The following DMD variants were observed in gnomAD, a reference collection of about 807,000 sequenced individuals.
DMD encodes dystrophin.
Under a neutral mutation model 330.1 loss-of-function variants are expected in DMD, and 63 were observed. The ratio of observed to expected loss-of-function variants is 0.19; its 90% CI spans 0.16 to 0.24. The LOEUF is 0.24. DMD is among the 10% of genes least tolerant of loss of function. The probability of loss-of-function intolerance (pLI) is 1.00; values close to 1 mark genes in which losing one functional copy is unlikely to be tolerated. For synonymous variants in DMD, 1,223 were observed against 959.8 expected (o/e 1.27, Z -5.07); for missense variants, 3,344 against 2,684.1 (o/e 1.25, Z -5.43).
intron 55 of DMD, among the ~76,000 whole-genome samples, chrX:31,522,325 TTCTCTCTCTCTCTC>T (rs1193302041): frequency 7.8e-5 from 4 of 51,335 alleles, no homozygotes; most frequent in Non-Finnish European, 1.2e-4. Flanking sequence ...AGATCAAAAT[TTCTCTCTCTCTCTC>T]TCTCTCTCTC....
intron 55 of DMD, among the ~76,000 whole-genome samples, chrX:31,616,561 C>T (rs112683302): frequency 0.011 from 1,273 of 111,960 alleles, 22 homozygotes; most frequent in African/African-American, 0.039. Context: ...ATATTATTTT[C>T]GTTCACTGAC....
intron 6 of DMD, among the ~76,000 whole-genome samples, chrX:32,810,047 A>G (rs1401771258): frequency 9.1e-6 from 1 of 109,399 alleles, no homozygotes; most frequent in Non-Finnish European, 1.9e-5. Context: ...ACCTGAGCCC[A>G]GGGAGGTTGA....
intron 62 of DMD, among the ~76,000 whole-genome samples, chrX:31,297,337 A>G (rs1489665295): frequency 9.0e-6 from 1 of 111,159 alleles, no homozygotes; most frequent in African/African-American, 3.3e-5. Flanking sequence ...CCAGAGTGAT[A>G]GAGCAAGTGA....
chrX:33,235,033 T>G (rs2052451759), intron 1 of DMD, among the ~76,000 whole-genome samples: 1 of 111,656 alleles, frequency 9.0e-6, no homozygotes, highest in Admixed American at 9.5e-5. Context: ...ACCCTTATAG[T>G]CCCCACAACT....
At chrX:32,912,507 A>T (rs1049643109) in intron 2 of DMD, among the ~76,000 whole-genome samples, 4 of 111,525 alleles carry the variant, frequency 3.6e-5, no homozygotes, top group Non-Finnish European at 5.7e-5. Flanking sequence ...AAAAGAATTA[A>T]AACTGGAAAC....
intron 43 of DMD, among the ~76,000 whole-genome samples, chrX:32,287,276 C>T (rs779569106): frequency 9.0e-6 from 1 of 111,633 alleles, no homozygotes; most frequent in Non-Finnish European, 1.9e-5. Flanking sequence ...ATCTGATTTA[C>T]GATTACCTGA....
chrX:31,901,043 A>G (rs147804658), intron 47 of DMD, among the ~76,000 whole-genome samples: 1,155 of 111,888 alleles, frequency 0.01, 19 homozygotes, highest in African/African-American at 0.036. Context: ...ATGTAGACAT[A>G]CAAGGCAGAG....
chrX:31,422,032 TATATATA>T (rs1569540523), intron 60 of DMD, among the ~76,000 whole-genome samples: 15 of 8,794 alleles, frequency 1.7e-3, no homozygotes, highest in Admixed American at 2.3e-3. Context: ...CACACACATA[TATATATA>T]TATATTTTTT....
intron 2 of DMD, among the ~76,000 whole-genome samples, chrX:33,005,267 C>A (rs1026317967): frequency 2.5e-5 from 2 of 80,919 alleles, no homozygotes; most frequent in Admixed American, 2.6e-4. Context: ...GGACTTTACA[C>A]ACACACAAAC....
In DMD at chrX:32,562,537, C is replaced by T. The variant is rs972927812; in HGVS notation, c.1992+3165G>A. Among the ~76,000 whole-genome samples the T allele has an allele frequency of 2.7e-5, 3 of 112,744 alleles. No individual in the cohort carries two copies. The East Asian group carries it at 8.4e-4, about 31-fold the overall frequency. ...GGTTTTAACCATTATGAGAACTTTGCTCATTCTTTATACTAATTATTTAAA... is the reference window on the plus strand; with the variant it reads ...GGTTTTAACCATTATGAGAACTTTGTTCATTCTTTATACTAATTATTTAAA... On this transcript the variant is annotated intron_variant, in intron 16 of 78. Coordinates refer to ENST00000357033, the MANE Select transcript of DMD (RefSeq NM_004006.3).
intron 15 of DMD, among the ~76,000 whole-genome samples, chrX:32,571,902 G>T (rs1190982525): frequency 9.0e-6 from 1 of 110,975 alleles, no homozygotes; most frequent in Non-Finnish European, 1.9e-5. Flanking sequence ...ATGCTACTTA[G>T]TTCAGGTCTT....
chrX:33,015,260 C>T (rs1468616135), intron 2 of DMD, among the ~76,000 whole-genome samples: 3 of 111,759 alleles, frequency 2.7e-5, no homozygotes, highest in Non-Finnish European at 5.6e-5. Flanking sequence ...GTGGAATCAA[C>T]TCAAATGCCC....
intron 57 of DMD, among the ~76,000 whole-genome samples, chrX:31,488,101 C>T (rs111400545): frequency 0.028 from 3,105 of 111,413 alleles, 111 homozygotes; most frequent in African/African-American, 0.096. Flanking sequence ...TAGTTTACTG[C>T]GCACACAGCA....
chrX:32,648,165 A>G lies in DMD; in HGVS notation c.961-3013T>C, dbSNP rs186587290. Among the ~76,000 whole-genome samples the G allele has an allele frequency of 9.8e-5, 11 of 112,114 alleles. No homozygotes were observed. The East Asian group carries it at 3.1e-3, about 31-fold the overall frequency. ...GTGTATACTTATACTCAAGGACATG[A>G]CATCTAGTACTCAAATTCTGAACCT... On this transcript the variant is annotated intron_variant, in intron 9 of 78. Coordinates refer to ENST00000357033, the MANE Select transcript of DMD (RefSeq NM_004006.3).
At chrX:31,197,215 C>A (rs1404641272) in intron 67 of DMD, among the ~76,000 whole-genome samples, 2 of 111,524 alleles carry the variant, frequency 1.8e-5, no homozygotes, top group Middle Eastern at 4.6e-3. Context: ...AATAGCAGAG[C>A]TCAGATTTGG....
At chrX:33,073,832 C>T (rs868848051) in intron 1 of DMD, among the ~76,000 whole-genome samples, 5 of 99,297 alleles carry the variant, frequency 5.0e-5, no homozygotes, top group Non-Finnish European at 1.0e-4. Flanking sequence ...AACTCTGTCT[C>T]AAATAAATAA....
intron 63 of DMD, among the ~76,000 whole-genome samples, chrX:31,256,725 C>A (rs997510412): frequency 2.0e-5 from 2 of 98,835 alleles, no homozygotes; most frequent in Non-Finnish European, 4.1e-5. Flanking sequence ...TATAAATTAT[C>A]TACATATATG....
chrX:32,194,437 A>G (rs1360246157), intron 44 of DMD, among the ~76,000 whole-genome samples: 1 of 112,069 alleles, frequency 8.9e-6, no homozygotes, highest in East Asian at 2.8e-4. Flanking sequence ...CTTCATGTAA[A>G]TACCCATATT....
At chrX:32,992,124 A>G (rs1243614507) in intron 2 of DMD, among the ~76,000 whole-genome samples, 2 of 112,255 alleles carry the variant, frequency 1.8e-5, no homozygotes, top group Non-Finnish European at 3.8e-5. Context: ...AACAATCAAA[A>G]GCTTTTGAAT....
Sources: gnomAD v4.1 joint callset for allele counts (sites outside exome capture counted in the v4.1 genomes callset) on GRCh38, gnomAD v4.1.1 for gene constraint, MANE v1.5 for transcripts, NCBI Gene and HGNC (gene_info 2026-07-23, HGNC 2026-07-21) for gene names.